The following ANKRD44 variants were observed in gnomAD, a reference collection of about 807,000 sequenced individuals.
ANKRD44 encodes the protein ankyrin repeat domain 44, also known as serine/threonine-protein phosphatase 6 regulatory ankyrin repeat subunit B.
Under a neutral mutation model 116.0 loss-of-function variants are expected in ANKRD44, and 35 were observed. The observed-to-expected ratio is 0.30, with a 90% CI of 0.23 to 0.40. The LOEUF (loss-of-function observed/expected upper bound fraction) is 0.40. ANKRD44 is among the 10% of genes least tolerant of loss of function. ANKRD44 has a pLI of 1.00. For synonymous variants in ANKRD44, 435 were observed against 461.8 expected (o/e 0.94, Z 0.74); for missense variants, 1,014 against 1,242.6 (o/e 0.82, Z 2.77).
chr2:197,070,432 G>GC (rs1461982735), intron 16 of ANKRD44, among the ~76,000 whole-genome samples: 2 of 152,190 alleles, frequency 1.3e-5, no homozygotes, highest in East Asian at 3.9e-4. Flanking sequence ...TGTTGTTGTT[G>GC]TTGCTTGCTT....
At chr2:197,171,203 C>G (rs2080225895) in intron 2 of ANKRD44, among the ~76,000 whole-genome samples, 1 of 152,166 alleles carries the variant, frequency 6.6e-6, no homozygotes, top group African/African-American at 2.4e-5. Context: ...TGAATCTGTT[C>G]AGGAACTTCC....
chr2:197,310,108 C>T (rs1266437805), intron 1 of ANKRD44, among the ~76,000 whole-genome samples: 1 of 152,196 alleles, frequency 6.6e-6, no homozygotes, highest in Non-Finnish European at 1.5e-5. Flanking sequence ...TAAAGACAGC[C>T]CGGCCACACA....
At chr2:197,151,567 A>G (rs569338658) in intron 2 of ANKRD44, among the ~76,000 whole-genome samples, 2 of 152,340 alleles carry the variant, frequency 1.3e-5, no homozygotes, top group South Asian at 2.1e-4. Context: ...AAGAATAAAA[A>G]AAGAAAGGGG....
At chr2:197,198,594 C>A (rs940501666) in intron 1 of ANKRD44, among the ~76,000 whole-genome samples, 2 of 152,054 alleles carry the variant, frequency 1.3e-5, no homozygotes, top group Non-Finnish European at 2.9e-5. Context: ...GAGTTTGAGA[C>A]CAGCCTGGCC....
intron 1 of ANKRD44, among the ~76,000 whole-genome samples, chr2:197,252,405 A>AT (rs1270425139): frequency 5.7e-4 from 85 of 148,556 alleles, no homozygotes; most frequent in African/African-American, 1.7e-3. Flanking sequence ...TATATATGTA[A>AT]TTTTTTTTTT....
chr2:197,145,661 T>C (rs192837037), intron 3 of ANKRD44, among the ~76,000 whole-genome samples: 203 of 152,294 alleles, frequency 1.3e-3, no homozygotes, highest in African/African-American at 4.8e-3. Flanking sequence ...ACTTGTTTCC[T>C]GGGGAAACCC....
intron 1 of ANKRD44, among the ~76,000 whole-genome samples, chr2:197,238,919 G>A (rs1330826692): frequency 6.6e-6 from 1 of 152,088 alleles, no homozygotes; most frequent in Admixed American, 6.5e-5. Flanking sequence ...TGGCCAGGCT[G>A]GTCTTGAACT....
rs866159219 is a variant in ANKRD44, at chr2:197,274,006, T to A, written c.27+36572A>T. 5.1e-4 allele frequency among the ~76,000 whole-genome samples: 40 copies of A among 77,996 alleles called. 2 individuals are homozygous for A. The highest frequency in any genetic ancestry group is 1.4e-3 in the South Asian group (3 of 2,162). The allele number at this position is 77,996 out of a possible 152,430, so 51.2% of individuals were successfully genotyped here. A position where few individuals can be genotyped will look rare whatever the true frequency, so the allele number is the denominator to read the frequency against. ...ATATATATATATATATATATATATA[T>A]ATATATATATATATATATATATGAA... On this transcript the variant is annotated intron_variant, in intron 1 of 27. Coordinates refer to ENST00000282272, the MANE Select transcript of ANKRD44 (RefSeq NM_001195144.2).
intron 16 of ANKRD44, among the ~76,000 whole-genome samples, chr2:197,041,721 C>G (rs1574334251): frequency 6.6e-6 from 1 of 152,250 alleles, no homozygotes; most frequent in East Asian, 1.9e-4. Context: ...AGCAGGATAC[C>G]TATAGATCTC....
chr2:197,110,938 C>G, intron 8 of ANKRD44, 94 bp from the exon 9 acceptor site: 1 of 837,494 alleles, frequency 1.2e-6, no homozygotes, highest in South Asian at 1.4e-5. Flanking sequence ...TAATAATGCC[C>G]TGAAAACATT....
chr2:196,990,181 T>C, intron 27 of ANKRD44: 2 of 986,082 alleles, frequency 2.0e-6, no homozygotes, highest in Non-Finnish European at 2.4e-6. Context: ...TTACAGGCAT[T>C]ATTTCTGAAG....
intron 1 of ANKRD44, among the ~76,000 whole-genome samples, chr2:197,216,069 C>T (rs1369858953): frequency 6.6e-6 from 1 of 152,174 alleles, no homozygotes; most frequent in East Asian, 1.9e-4. Context: ...CTGGCTCCAA[C>T]TATGCCCTGG....
intron 1 of ANKRD44, among the ~76,000 whole-genome samples, chr2:197,189,697 A>G (rs2080776151): frequency 6.6e-6 from 1 of 152,220 alleles, no homozygotes; most frequent in African/African-American, 2.4e-5. Flanking sequence ...ACAAACCTCC[A>G]CAACCAGAGA....
intron 8 of ANKRD44, among the ~76,000 whole-genome samples, chr2:197,111,564 A>C (rs2078566285): frequency 6.6e-6 from 1 of 151,792 alleles, no homozygotes; most frequent in African/African-American, 2.4e-5. Context: ...GCTTGAATCC[A>C]GGAGGCGGAG....
At chr2:197,000,199 A>C (rs1208698148) in intron 23 of ANKRD44, among the ~76,000 whole-genome samples, 1 of 152,202 alleles carries the variant, frequency 6.6e-6, no homozygotes, top group Non-Finnish European at 1.5e-5. Context: ...GAGAAAATAA[A>C]ATTTGTAAAT....
At chr2:197,174,252 A>G (rs563718723) in intron 2 of ANKRD44, among the ~76,000 whole-genome samples, 17 of 152,198 alleles carry the variant, frequency 1.1e-4, no homozygotes, top group Non-Finnish European at 2.4e-4. Context: ...TATTATTTGT[A>G]CAATCGTTAG....
intron 16 of ANKRD44, among the ~76,000 whole-genome samples, chr2:197,027,356 T>G (rs961034070): frequency 2.0e-5 from 3 of 152,144 alleles, no homozygotes; most frequent in African/African-American, 4.8e-5. Context: ...AGCCAGACTC[T>G]GTCTCAAGAA....
At chr2:197,127,355 G>A (rs1283735833) in intron 4 of ANKRD44, among the ~76,000 whole-genome samples, 1 of 151,988 alleles carries the variant, frequency 6.6e-6, no homozygotes. Context: ...ATAATATTTT[G>A]GCAAAAACAA....
chr2:197,061,929 C>A (rs374539693), intron 16 of ANKRD44, among the ~76,000 whole-genome samples: 1 of 152,118 alleles, frequency 6.6e-6, no homozygotes, highest in Admixed American at 6.5e-5. Context: ...TACAGGCATG[C>A]GCCACCACTC....
Sources: gnomAD v4.1 joint callset for allele counts (sites outside exome capture counted in the v4.1 genomes callset) on GRCh38, gnomAD v4.1.1 for gene constraint, MANE v1.5 for transcripts, NCBI Gene and HGNC (gene_info 2026-07-23, HGNC 2026-07-21) for gene names.